ANK2: variants seen among roughly 807,000 people sequenced by gnomAD.
ANK2 encodes the protein ankyrin 2, also known as ankyrin-2.
In ANK2, 83 loss-of-function variants were observed where a neutral mutation model predicts 360.5. The observed-to-expected ratio is 0.23, with a 90% CI of 0.19 to 0.28. ANK2 has a LOEUF of 0.28. ANK2 is among the 10% of genes least tolerant of loss of function. The probability of loss-of-function intolerance (pLI) is 1.00; values close to 1 mark genes in which losing one functional copy is unlikely to be tolerated. For synonymous variants in ANK2, 1,740 were observed against 1,759.5 expected (o/e 0.99, Z 0.28); for missense variants, 4,201 against 4,795.7 (o/e 0.88, Z 3.66).
At chr4:112,976,808 A>G (rs890804980) in intron 2 of ANK2, among the ~76,000 whole-genome samples, 15 of 152,112 alleles carry the variant, frequency 9.9e-5, no homozygotes, top group African/African-American at 3.1e-4. Context: ...TACCTTTACA[A>G]TTAAGTCTGC....
intron 45 of ANK2, among the ~76,000 whole-genome samples, chr4:113,373,961 G>A (rs1344222916): frequency 6.6e-6 from 1 of 152,230 alleles, no homozygotes; most frequent in Non-Finnish European, 1.5e-5. Flanking sequence ...GTCTCACTCT[G>A]TCACCCAGGC....
At chr4:113,011,054 G>C (rs1335857807) in intron 2 of ANK2, among the ~76,000 whole-genome samples, 1 of 152,016 alleles carries the variant, frequency 6.6e-6, no homozygotes, top group African/African-American at 2.4e-5. Context: ...GTCAGAAAAA[G>C]TTTTGCTGCT....
At chr4:113,300,502 C>G (rs1429945081) in intron 22 of ANK2, among the ~76,000 whole-genome samples, 2 of 152,150 alleles carry the variant, frequency 1.3e-5, no homozygotes, top group African/African-American at 4.8e-5. Flanking sequence ...GACTCACACT[C>G]TCATGTGGGC....
chr4:113,084,531 C>T (rs1331772700), intron 1 of ANK2, among the ~76,000 whole-genome samples: 1 of 152,134 alleles, frequency 6.6e-6, no homozygotes, highest in Non-Finnish European at 1.5e-5. Context: ...CAAGTAGAGT[C>T]CCATTTAGAT....
intron 4 of ANK2, among the ~76,000 whole-genome samples, chr4:113,212,963 A>C (rs1423996910): frequency 6.6e-6 from 1 of 152,182 alleles, no homozygotes; most frequent in Non-Finnish European, 1.5e-5. Context: ...AGTATATGAA[A>C]TTGCATTCAC....
intron 1 of ANK2, among the ~76,000 whole-genome samples, chr4:113,134,940 T>A (rs943912688): frequency 6.6e-6 from 1 of 152,194 alleles, no homozygotes; most frequent in African/African-American, 2.4e-5. Context: ...AGAAGTGGCA[T>A]GACTAAAGTT....
the ANK2 span, among the ~76,000 whole-genome samples, chr4:112,713,896 T>C: frequency 6.9e-6 from 1 of 145,530 alleles, no homozygotes; most frequent in Non-Finnish European, 1.5e-5. Flanking sequence ...ATCTCGCCAC[T>C]GCACTCCAGC....
At chr4:113,362,720 G>T (rs908942227) in intron 39 of ANK2, among the ~76,000 whole-genome samples, 2 of 152,128 alleles carry the variant, frequency 1.3e-5, no homozygotes, top group Non-Finnish European at 2.9e-5. Context: ...TAAAGTTCTA[G>T]GATTACAGGC....
intron 2 of ANK2, among the ~76,000 whole-genome samples, chr4:113,010,727 CA>C (rs1561525154): frequency 1.3e-5 from 2 of 152,048 alleles, no homozygotes; most frequent in African/African-American, 4.8e-5. Flanking sequence ...CATACCCAAA[CA>C]GAGTATTTTA....
At chr4:113,088,529 T>C (rs2086040908) in intron 1 of ANK2, among the ~76,000 whole-genome samples, 1 of 152,186 alleles carries the variant, frequency 6.6e-6, no homozygotes, top group Non-Finnish European at 1.5e-5. Flanking sequence ...TTGACTGTAG[T>C]CTTATTTTAA....
the ANK2 span, among the ~76,000 whole-genome samples, chr4:112,753,496 A>G: frequency 1.3e-5 from 2 of 152,342 alleles, no homozygotes; most frequent in Admixed American, 1.3e-4. Context: ...GGCGCTGCAT[A>G]AAATGAAGCT....
At chr4:113,351,202 T>C (rs939193599) in intron 37 of ANK2, among the ~76,000 whole-genome samples, 5 of 152,124 alleles carry the variant, frequency 3.3e-5, no homozygotes, top group African/African-American at 1.2e-4. Flanking sequence ...TATTTCAGAG[T>C]TTATTTTGAT....
intron 33 of ANK2, among the ~76,000 whole-genome samples, chr4:113,342,518 T>A (rs34293114): frequency 0.036 from 5,415 of 152,134 alleles, 149 homozygotes; most frequent in Non-Finnish European, 0.059. Context: ...CTGGCCAACA[T>A]GGCAAAACCC....
At chr4:112,823,065 A>G (rs1334456500) in intron 1 of ANK2, among the ~76,000 whole-genome samples, 2 of 152,358 alleles carry the variant, frequency 1.3e-5, no homozygotes, top group East Asian at 1.9e-4. Context: ...AATAACGCAC[A>G]TGTGAATAAA....
the ANK2 span, among the ~76,000 whole-genome samples, chr4:112,782,283 G>A: frequency 1.3e-5 from 2 of 152,054 alleles, no homozygotes; most frequent in Admixed American, 1.3e-4. Flanking sequence ...AATTGTGAAG[G>A]CAAAATGATT....
chr4:112,948,819 G>GT (rs2094737724), intron 2 of ANK2, among the ~76,000 whole-genome samples: 2 of 152,068 alleles, frequency 1.3e-5, no homozygotes, highest in African/African-American at 4.8e-5. Context: ...TATTCTCCTT[G>GT]TTTTTAGATG....
At chr4:112,833,476 A>AT (rs1426575243) in intron 1 of ANK2, among the ~76,000 whole-genome samples, 3 of 150,100 alleles carry the variant, frequency 2.0e-5, no homozygotes, top group Non-Finnish European at 3.0e-5. Context: ...GTGCCTATAT[A>AT]TTTTTTCTTT....
At chr4:113,246,964 T>A (rs1424472112) in intron 9 of ANK2, among the ~76,000 whole-genome samples, 2 of 152,150 alleles carry the variant, frequency 1.3e-5, no homozygotes, top group African/African-American at 2.4e-5. Flanking sequence ...AACTTTGTAA[T>A]CAGCAGAGCC....
intron 2 of ANK2, among the ~76,000 whole-genome samples, chr4:112,912,007 C>T (rs2087672615): frequency 6.6e-6 from 1 of 151,924 alleles, no homozygotes; most frequent in Non-Finnish European, 1.5e-5. Flanking sequence ...GAAACCCCGT[C>T]TCTACTAAAA....
Sources: gnomAD v4.1 joint callset for allele counts (sites outside exome capture counted in the v4.1 genomes callset) on GRCh38, gnomAD v4.1.1 for gene constraint, MANE v1.5 for transcripts, NCBI Gene and HGNC (gene_info 2026-07-23, HGNC 2026-07-21) for gene names.